Variants in MACROD2 observed in about 807,000 individuals in gnomAD.
MACROD2 encodes ADP-ribose glycohydrolase MACROD2.
MACROD2 carries 36 observed loss-of-function variants against 70.4 expected under a neutral mutation model. The ratio of observed to expected loss-of-function variants is 0.51; its 90% CI spans 0.39 to 0.68. The LOEUF (loss-of-function observed/expected upper bound fraction) is 0.68, where lower values mean the gene tolerates loss of function less well. MACROD2 is among the 30% of genes least tolerant of loss of function. MACROD2 has a pLI of 0.00. For synonymous variants in MACROD2, 172 were observed against 178.8 expected (o/e 0.96, Z 0.30); for missense variants, 496 against 538.4 (o/e 0.92, Z 0.78).
chr20:15,794,871 A>T (rs2063658630), intron 8 of MACROD2, among the ~76,000 whole-genome samples: 2 of 152,300 alleles, frequency 1.3e-5, no homozygotes, highest in South Asian at 4.1e-4. Flanking sequence ...ATTAGCTATG[A>T]TCAGATAGAC....
intron 3 of MACROD2, among the ~76,000 whole-genome samples, chr20:14,245,550 C>T (rs566913946): frequency 2.2e-4 from 34 of 152,256 alleles, no homozygotes; most frequent in Admixed American, 5.9e-4. Context: ...GAACTCAGGT[C>T]TGAGGAACTC....
intron 3 of MACROD2, among the ~76,000 whole-genome samples, chr20:14,399,885 A>G (rs2083619463): frequency 1.3e-5 from 2 of 151,942 alleles, no homozygotes; most frequent in South Asian, 4.1e-4. Flanking sequence ...TTTAAATGTC[A>G]TATATTGTAT....
intron 5 of MACROD2, among the ~76,000 whole-genome samples, chr20:15,180,328 C>G (rs756843601): frequency 2.6e-5 from 4 of 152,170 alleles, no homozygotes; most frequent in Non-Finnish European, 5.9e-5. Context: ...GCTTTTTGCT[C>G]AGTCTAATTG....
intron 6 of MACROD2, among the ~76,000 whole-genome samples, chr20:15,391,908 A>C (rs2045797809): frequency 6.6e-6 from 1 of 152,160 alleles, no homozygotes. Flanking sequence ...AACAAAGCCT[A>C]GAGGTTATCA....
At chr20:16,003,303 T>A (rs2066740925) in intron 15 of MACROD2, among the ~76,000 whole-genome samples, 1 of 152,196 alleles carries the variant, frequency 6.6e-6, no homozygotes, top group Admixed American at 6.5e-5. Flanking sequence ...TTGCTGTGGT[T>A]TGGTTTCTCT....
At chr20:14,791,451 A>G (rs1480597719) in intron 5 of MACROD2, among the ~76,000 whole-genome samples, 1 of 152,146 alleles carries the variant, frequency 6.6e-6, no homozygotes, top group Non-Finnish European at 1.5e-5. Context: ...ATAGTGGGAT[A>G]AAAACACAGC....
At chr20:15,191,132 GAGACAGTGA>G (rs1182156984) in intron 5 of MACROD2, among the ~76,000 whole-genome samples, 4 of 152,174 alleles carry the variant, frequency 2.6e-5, no homozygotes, top group Admixed American at 1.3e-4. Context: ...TGGGGAGAGT[GAGACAGTGA>G]AGCCTGGGGC....
intron 4 of MACROD2, among the ~76,000 whole-genome samples, chr20:14,534,368 A>G (rs920412945): frequency 6.6e-6 from 1 of 152,236 alleles, no homozygotes; most frequent in African/African-American, 2.4e-5. Context: ...AACTTTAAGA[A>G]AGGAGGATAT....
chr20:15,513,605 GAA>G (rs2047529294), intron 8 of MACROD2, among the ~76,000 whole-genome samples: 1 of 152,142 alleles, frequency 6.6e-6, no homozygotes, highest in East Asian at 1.9e-4. Context: ...ATTGACAAGA[GAA>G]AGATTGATAT....
At chr20:14,003,611 A>G in intron 2 of MACROD2, 1 of 453,426 alleles carries the variant, frequency 2.2e-6, no homozygotes, top group South Asian at 1.9e-5. Flanking sequence ...ATGGAACCCA[A>G]AGATGATTTG....
At chr20:14,770,623 A>G (rs1389855454) in intron 5 of MACROD2, among the ~76,000 whole-genome samples, 1 of 152,122 alleles carries the variant, frequency 6.6e-6, no homozygotes, top group East Asian at 1.9e-4. Flanking sequence ...GTATCACAAA[A>G]TAATAGTTAA....
chr20:14,014,340 G>T (rs2052957559), intron 2 of MACROD2, among the ~76,000 whole-genome samples: 1 of 149,654 alleles, frequency 6.7e-6, no homozygotes, highest in African/African-American at 2.5e-5. Context: ...ATTTCATAAT[G>T]TTTTTGTCTT....
intron 5 of MACROD2, among the ~76,000 whole-genome samples, chr20:15,110,185 T>A (rs1412323676): frequency 6.6e-6 from 1 of 152,208 alleles, no homozygotes; most frequent in East Asian, 1.9e-4. Context: ...TCAATGCTCC[T>A]GTGCAGTGGT....
intron 3 of MACROD2, among the ~76,000 whole-genome samples, chr20:14,309,207 G>A (rs897187429): frequency 6.6e-6 from 1 of 152,050 alleles, no homozygotes; most frequent in Admixed American, 6.6e-5. Flanking sequence ...ACCCAAGACC[G>A]AGGGACAGTA....
At chr20:14,573,661 G>C (rs954762724) in intron 4 of MACROD2, among the ~76,000 whole-genome samples, 2 of 151,972 alleles carry the variant, frequency 1.3e-5, no homozygotes, top group South Asian at 2.1e-4. Context: ...CTGGGTCCTA[G>C]AGAGAATACT....
chr20:14,557,972 T>A (rs564988882), intron 4 of MACROD2, among the ~76,000 whole-genome samples: 1 of 151,950 alleles, frequency 6.6e-6, no homozygotes, highest in Non-Finnish European at 1.5e-5. Flanking sequence ...ACAACTTAAA[T>A]GTCCATCATC....
intron 6 of MACROD2, among the ~76,000 whole-genome samples, chr20:15,301,095 G>T (rs1443377435): frequency 6.6e-6 from 1 of 152,198 alleles, no homozygotes; most frequent in Non-Finnish European, 1.5e-5. Context: ...CGAGCAAGGT[G>T]ACAGCTAGCT....
intron 15 of MACROD2, among the ~76,000 whole-genome samples, chr20:16,037,638 C>G (rs2147602036): frequency 6.6e-6 from 1 of 151,908 alleles, no homozygotes; most frequent in East Asian, 1.9e-4. Flanking sequence ...AAAGCCAAGG[C>G]TTTTAAGTGC....
chr20:15,939,840 G>A lies in MACROD2; in HGVS notation c.907+2296G>A, dbSNP rs191771679. ...AGGCCAAAATATCAACGTTAACAAG[G>A]GTTTGAAAGAAGGTGATTCCAACCC... On this transcript the variant is annotated intron_variant, in intron 12 of 17. Transcript: ENST00000684519. Among the ~76,000 whole-genome samples the A allele has an allele frequency of 1.0e-3, 157 of 152,106 alleles. 2 individuals carry two copies. The highest frequency in any genetic ancestry group is 1.6e-3 in the Admixed American group (24 of 15,256).
Sources: allele counts gnomAD v4.1 joint callset (sites outside exome capture counted in the v4.1 genomes callset), GRCh38; gene constraint gnomAD v4.1.1; transcripts MANE v1.5; gene names NCBI Gene and HGNC (gene_info 2026-07-23, HGNC 2026-07-21).